The following BCO1 variants were observed in gnomAD, a reference collection of about 807,000 sequenced individuals.
BCO1 encodes beta-carotene oxygenase 1, also known as beta,beta-carotene 15,15'-dioxygenase.
BCO1 carries 54 observed loss-of-function variants against 56.3 expected under a neutral mutation model. The ratio of observed to expected loss-of-function variants is 0.96; its 90% CI spans 0.77 to 1.20. The LOEUF (loss-of-function observed/expected upper bound fraction) is 1.20, where lower values mean the gene tolerates loss of function less well. Among genes scored for constraint, BCO1 ranks in the 50% most tolerant of loss-of-function variants. The probability of loss-of-function intolerance (pLI) is 0.00; values close to 1 mark genes in which losing one functional copy is unlikely to be tolerated. For missense variants in BCO1, 801 were observed against 690.9 expected (o/e 1.16, Z -1.79); for synonymous variants, 318 against 266.1 (o/e 1.20, Z -1.90).
intron 7 of BCO1, among the ~76,000 whole-genome samples, chr16:81,278,796 C>T (rs1907702347): frequency 6.6e-6 from 1 of 152,210 alleles, no homozygotes; most frequent in Non-Finnish European, 1.5e-5. Flanking sequence ...GGCACAGGGT[C>T]TGCTTCTCTC....
intron 2 of BCO1, among the ~76,000 whole-genome samples, chr16:81,259,266 G>T (rs928860121): frequency 1.3e-5 from 2 of 152,248 alleles, no homozygotes; most frequent in Admixed American, 1.3e-4. Context: ...GGCTGAGGCG[G>T]GTGGATCACC....
chr16:81,249,620 C>T (rs1331035858), intron 2 of BCO1, among the ~76,000 whole-genome samples: 4 of 152,052 alleles, frequency 2.6e-5, no homozygotes, highest in African/African-American at 9.7e-5. Context: ...AGGCCGGTCT[C>T]GAACTCCTGA....
intron 2 of BCO1, among the ~76,000 whole-genome samples, chr16:81,259,425 C>T (rs1007481146): frequency 5.3e-5 from 8 of 151,832 alleles, no homozygotes; most frequent in Non-Finnish European, 7.4e-5. Flanking sequence ...ACCCAGGAGG[C>T]GGAGGTTGCA....
intron 1 of BCO1, among the ~76,000 whole-genome samples, chr16:81,244,112 C>A (rs1382088229): frequency 6.6e-6 from 1 of 152,218 alleles, no homozygotes; most frequent in South Asian, 2.1e-4. Context: ...GCCTGCCCCA[C>A]CCGCAGTCAG....
chr16:81,262,357 T>C, intron 4 of BCO1, 74 bp downstream of exon 4: 1 of 1,516,806 alleles, frequency 6.6e-7, no homozygotes, highest in South Asian at 1.1e-5. Context: ...GGGGTGAGGT[T>C]GCTCAGCCTG....
intron 3 of BCO1, among the ~76,000 whole-genome samples, chr16:81,260,387 A>G (rs2151936007): frequency 6.6e-6 from 1 of 152,318 alleles, no homozygotes; most frequent in South Asian, 2.1e-4. Flanking sequence ...AGAAATCTAA[A>G]TTAAATTTTG....
At chr16:81,245,345 G>A in intron 1 of BCO1, 130 bp from the exon 2 acceptor site, 3 of 1,381,128 alleles carry the variant, frequency 2.2e-6, no homozygotes, top group Non-Finnish European at 3.1e-6. Context: ...GGAAATGACT[G>A]TAGAATAAAC....
At chr16:81,281,752 C>CAAA (rs1378241876) in intron 8 of BCO1, among the ~76,000 whole-genome samples, 1 of 152,182 alleles carries the variant, frequency 6.6e-6, no homozygotes, top group African/African-American at 2.4e-5. Context: ...TCATTCTTTG[C>CAAA]AGTGGGTGCT....
rs370076696 is a variant in BCO1 at position 81,239,005 on chromosome 16, T to A, written c.64+33T>A. 8.9e-6 allele frequency: 14 copies of A among 1,580,548 alleles called. No homozygotes were observed. The African/African-American group carries it at 1.4e-4, about 16-fold the overall frequency. On this transcript the variant is annotated intron_variant, in intron 1 of 10. Transcript: ENST00000258168. ...TTCTGATAAACACTGGGCTCTTTCT[T>A]CTATTTATTTTATTATTTTTTTTTT...
In BCO1 at chr16:81,268,024, G is replaced by A. The variant is rs1435569117; in HGVS notation, c.736G>A (p.Val246Ile). The A allele has an allele frequency of 6.2e-7, 1 of 1,613,798 alleles. No individual in the cohort carries two copies. The change falls in exon 6 of 11, where the codon GTC becomes ATC. Residue 246 changes from valine (V) to isoleucine (I), a missense_variant. Physicochemically the swap from Val to Ile is conservative, Grantham distance 29 (BLOSUM62 3). Coordinates refer to ENST00000258168, the MANE Select transcript of BCO1 (RefSeq NM_017429.3). ...CAGCTTTGGAGTCACCGAGAACTAT[G>A]TCATCTTCCTTGAGCAGCCTTTCAG... ...YHSFGVTENY[V>I]IFLEQPFRLD...
intron 4 of BCO1, chr16:81,264,158 G>A: frequency 4.7e-6 from 1 of 213,620 alleles, no homozygotes; most frequent in East Asian, 1.1e-4. Context: ...TCTAAGAGAG[G>A]CCTAGAGATT....
chr16:81,270,686 C>CTGTGTGTG (rs762227797), intron 7 of BCO1, among the ~76,000 whole-genome samples: 779 of 29,580 alleles, frequency 0.026, 23 homozygotes, highest in Admixed American at 0.17. Context: ...GTCTCTCTCT[C>CTGTGTGTG]TGTGTCTGTG....
At chr16:81,272,371 G>A (rs1247795023) in intron 7 of BCO1, among the ~76,000 whole-genome samples, 2 of 151,892 alleles carry the variant, frequency 1.3e-5, no homozygotes, top group Non-Finnish European at 2.9e-5. Flanking sequence ...GCCCGCCTTG[G>A]CCTCCCAAAG....
At chr16:81,280,346 C>CAA (rs1567463355) in intron 7 of BCO1, among the ~76,000 whole-genome samples, 1 of 142,866 alleles carries the variant, frequency 7.0e-6, no homozygotes, top group Non-Finnish European at 1.5e-5. Flanking sequence ...CACACACACA[C>CAA]ACACATTTAG....
At position 81,256,430 on chromosome 16, in the gene BCO1, G is replaced by A. The variant is rs546082702; in HGVS notation, c.194-3246G>A. On this transcript the variant is annotated intron_variant, in intron 2 of 10. Transcript: ENST00000258168. ...ACTGTGTCCCAGGCTTGGCTTTTCC[G>A]TGTGTTGTAATTGTAGCAACACTGG... Among the ~76,000 whole-genome samples, 25 of 152,214 alleles carry A rather than the reference G, an allele frequency of 1.6e-4. No individual in the cohort carries two copies. In the South Asian group the frequency reaches 3.5e-3, roughly 21 times the overall value.
At chr16:81,268,625 T>C (rs746538807) in intron 6 of BCO1, among the ~76,000 whole-genome samples, 3 of 152,192 alleles carry the variant, frequency 2.0e-5, no homozygotes, top group Non-Finnish European at 2.9e-5. Context: ...GTGCTCAAAG[T>C]ATGTATGCAC....
chr16:81,249,200 C>T (rs551697159), intron 2 of BCO1, among the ~76,000 whole-genome samples: 2 of 150,986 alleles, frequency 1.3e-5, no homozygotes, highest in South Asian at 2.1e-4. Flanking sequence ...AAGTGATTCT[C>T]ATGTCTCAGC....
intron 5 of BCO1, among the ~76,000 whole-genome samples, chr16:81,266,495 C>G (rs1381525482): frequency 1.3e-5 from 2 of 152,126 alleles, no homozygotes; most frequent in African/African-American, 4.8e-5. Context: ...GCCCCCTGAG[C>G]AAACTACCAG....
intron 2 of BCO1, among the ~76,000 whole-genome samples, chr16:81,255,970 C>T (rs541799414): frequency 4.8e-4 from 69 of 144,320 alleles, no homozygotes; most frequent in Admixed American, 2.8e-4. Flanking sequence ...GTGCCCAGTA[C>T]CCCGGCTAAT....
Sources: gnomAD v4.1 joint callset for allele counts (sites outside exome capture counted in the v4.1 genomes callset) on GRCh38, gnomAD v4.1.1 for gene constraint, MANE v1.5 for transcripts, NCBI Gene and HGNC (gene_info 2026-07-23, HGNC 2026-07-21) for gene names.